The following SPIDR variants were observed in gnomAD, a reference collection of about 807,000 sequenced individuals.
SPIDR encodes the protein DNA repair-scaffolding protein.
In SPIDR, 93 loss-of-function variants were observed where a neutral mutation model predicts 104.6. That is an observed-to-expected ratio of 0.89 (90% CI 0.75 to 1.06). SPIDR has a LOEUF of 1.06. Ranked by LOEUF, SPIDR falls within the 50% of genes least tolerant of loss-of-function variation. The pLI is 0.00. For missense variants in SPIDR, 1,154 were observed against 1,111.2 expected (o/e 1.04, Z -0.55); for synonymous variants, 431 against 416.9 (o/e 1.03, Z -0.41).
At chr8:47,540,060 G>A (rs1412204613) in intron 8 of SPIDR, among the ~76,000 whole-genome samples, 1 of 152,184 alleles carries the variant, frequency 6.6e-6, no homozygotes, top group African/African-American at 2.4e-5. Flanking sequence ...CCCACATTAT[G>A]CTTGATAGGA....
intron 5 of SPIDR, among the ~76,000 whole-genome samples, chr8:47,357,187 A>C (rs1554626324): frequency 6.6e-6 from 1 of 151,110 alleles, no homozygotes; most frequent in African/African-American, 2.4e-5. Context: ...TAGGCTTATA[A>C]GAGAACAGAT....
At chr8:47,618,977 A>G (rs1477220194) in intron 10 of SPIDR, among the ~76,000 whole-genome samples, 1 of 152,250 alleles carries the variant, frequency 6.6e-6, no homozygotes, top group African/African-American at 2.4e-5. Flanking sequence ...TATGCATGAA[A>G]TATCTTTGGA....
intron 8 of SPIDR, among the ~76,000 whole-genome samples, chr8:47,492,677 G>A (rs1169381266): frequency 6.6e-6 from 1 of 151,984 alleles, no homozygotes; most frequent in African/African-American, 2.4e-5. Context: ...GTCCTCCTTT[G>A]TGTGTTGTCA....
chr8:47,464,675 C>A (rs1467610990), intron 8 of SPIDR, among the ~76,000 whole-genome samples: 1 of 152,126 alleles, frequency 6.6e-6, no homozygotes, highest in African/African-American at 2.4e-5. Flanking sequence ...CCTGTCCTGT[C>A]CTGTCCTGTC....
chr8:47,575,939 G>A (rs1271821426), intron 8 of SPIDR, among the ~76,000 whole-genome samples: 1 of 149,422 alleles, frequency 6.7e-6, no homozygotes, highest in Non-Finnish European at 1.5e-5. Flanking sequence ...CAGCCTGGGC[G>A]ACAGAGCGAG....
intron 11 of SPIDR, among the ~76,000 whole-genome samples, chr8:47,685,568 A>G (rs1459543357): frequency 6.8e-6 from 1 of 146,502 alleles, no homozygotes; most frequent in Non-Finnish European, 1.5e-5. Context: ...GCATTGGCAG[A>G]GATCAGTGGT....
At chr8:47,322,616 C>T (rs1461459949) in intron 5 of SPIDR, among the ~76,000 whole-genome samples, 1 of 152,188 alleles carries the variant, frequency 6.6e-6, no homozygotes, top group Non-Finnish European at 1.5e-5. Context: ...ATAAATCATG[C>T]TGCTATAAAG....
intron 5 of SPIDR, among the ~76,000 whole-genome samples, chr8:47,296,832 A>G (rs2154242624): frequency 6.6e-6 from 1 of 152,332 alleles, no homozygotes; most frequent in East Asian, 1.9e-4. Context: ...CACTTTGGGA[A>G]GTATGAATAG....
At chr8:47,424,054 G>A (rs2066014938) in intron 7 of SPIDR, among the ~76,000 whole-genome samples, 1 of 152,116 alleles carries the variant, frequency 6.6e-6, no homozygotes, top group South Asian at 2.1e-4. Context: ...AGGAGAATAT[G>A]GATGGGTACA....
intron 10 of SPIDR, among the ~76,000 whole-genome samples, chr8:47,649,453 A>G (rs1023244327): frequency 6.6e-6 from 1 of 152,216 alleles, no homozygotes; most frequent in Non-Finnish European, 1.5e-5. Flanking sequence ...CTGAGGAACC[A>G]TTCCAGACTG....
intron 8 of SPIDR, among the ~76,000 whole-genome samples, chr8:47,574,690 G>A (rs972220129): frequency 2.6e-5 from 4 of 152,130 alleles, no homozygotes; most frequent in Admixed American, 6.6e-5. Context: ...GGAGGCTGAG[G>A]CAGGAGAATT....
intron 6 of SPIDR, among the ~76,000 whole-genome samples, chr8:47,403,329 A>C (rs1563864881): frequency 6.6e-6 from 1 of 152,216 alleles, no homozygotes; most frequent in Non-Finnish European, 1.5e-5. Flanking sequence ...ACTCCTATTC[A>C]ACATAGCGTT....
intron 7 of SPIDR, among the ~76,000 whole-genome samples, chr8:47,440,073 A>G (rs1554695298): frequency 6.6e-6 from 1 of 152,194 alleles, no homozygotes; most frequent in East Asian, 1.9e-4. Context: ...TTTCTTCATG[A>G]CAGAAGACTT....
At chr8:47,586,589 A>G (rs1365147616) in intron 8 of SPIDR, among the ~76,000 whole-genome samples, 2 of 152,016 alleles carry the variant, frequency 1.3e-5, no homozygotes, top group Admixed American at 6.6e-5. Context: ...CATTTTTTAT[A>G]CTGTGTGGTT....
intron 8 of SPIDR, among the ~76,000 whole-genome samples, chr8:47,510,856 G>GA (rs2082209559): frequency 6.6e-6 from 1 of 151,970 alleles, no homozygotes; most frequent in Admixed American, 6.6e-5. Context: ...AAAAACCCAG[G>GA]AAATACAACT....
intron 5 of SPIDR, among the ~76,000 whole-genome samples, chr8:47,376,291 A>G (rs2058656836): frequency 6.6e-6 from 1 of 152,182 alleles, no homozygotes; most frequent in Non-Finnish European, 1.5e-5. Flanking sequence ...GCTTGCAAGG[A>G]AACAGGGACC....
intron 5 of SPIDR, among the ~76,000 whole-genome samples, chr8:47,355,747 C>A (rs1554625416): frequency 6.6e-6 from 1 of 152,162 alleles, no homozygotes; most frequent in Non-Finnish European, 1.5e-5. Flanking sequence ...CTTCCTTTGA[C>A]AAAAATATTT....
At chr8:47,395,102 A>G (rs1459152522) in intron 5 of SPIDR, among the ~76,000 whole-genome samples, 1 of 152,116 alleles carries the variant, frequency 6.6e-6, no homozygotes, top group Non-Finnish European at 1.5e-5. Context: ...TTATCCCAGC[A>G]CTTTGGGAGG....
rs371836490 is a variant in SPIDR at position 47,727,237 on chromosome 8, A to G, written c.2379A>G (p.Ser793=). Residue 793 remains serine, a synonymous_variant, in exon 17 of 20, where the codon TCA becomes TCG. Coordinates refer to ENST00000297423, the MANE Select transcript of SPIDR (RefSeq NM_001080394.4). ...VVGVDESTAF[S]WPVCDMCGNG... is the part of the protein sequence containing the mutation. ...GCGTGGACGAGAGCACTGCTTTCTC[A>G]TGGCCTGTGTGTGACATGTGTGGCA... The G allele has an allele frequency of 9.3e-6, 15 of 1,613,970 alleles. No homozygotes were observed. Among genetic ancestry groups the G allele is most frequent in the East Asian group, 2.2e-5 (1 of 44,880 alleles).
Sources: allele counts gnomAD v4.1 joint callset (sites outside exome capture counted in the v4.1 genomes callset), GRCh38; gene constraint gnomAD v4.1.1; transcripts MANE v1.5; gene names NCBI Gene and HGNC (gene_info 2026-07-23, HGNC 2026-07-21).